Variants in LRRTM3 observed in about 807,000 individuals in gnomAD.
LRRTM3 encodes leucine-rich repeat transmembrane neuronal protein 3.
Under a neutral mutation model 44.7 loss-of-function variants are expected in LRRTM3, and 24 were observed. That is an observed-to-expected ratio of 0.54 (90% CI 0.39 to 0.76). The LOEUF (loss-of-function observed/expected upper bound fraction) is 0.76. Ranked by LOEUF, LRRTM3 falls within the 30% of genes least tolerant of loss-of-function variation. LRRTM3 has a pLI of 0.00. For synonymous variants in LRRTM3, 277 were observed against 278.7 expected, an observed-to-expected ratio of 0.99 and a Z score of 0.06; for missense variants, 587 against 702.2, an observed-to-expected ratio of 0.84 and a Z score of 1.85.
At chr10:66,932,032 C>T (rs555938776) in intron 2 of LRRTM3, among the ~76,000 whole-genome samples, 3 of 152,222 alleles carry the variant, frequency 2.0e-5, no homozygotes, top group South Asian at 2.1e-4. Flanking sequence ...GGAGGGGGGC[C>T]TCCCCTTCCG....
At chr10:67,096,298 T>C (rs914789910) in intron 2 of LRRTM3, among the ~76,000 whole-genome samples, 1 of 151,752 alleles carries the variant, frequency 6.6e-6, no homozygotes, top group South Asian at 2.1e-4. Flanking sequence ...AGTAGAACTG[T>C]AGGGATGGAA....
intron 2 of LRRTM3, among the ~76,000 whole-genome samples, chr10:67,014,485 T>G (rs909298369): frequency 2.6e-5 from 4 of 152,178 alleles, no homozygotes; most frequent in Non-Finnish European, 5.9e-5. Flanking sequence ...TTGAAATATA[T>G]TCTTCTAGAC....
intron 2 of LRRTM3, among the ~76,000 whole-genome samples, chr10:66,957,374 ATG>A (rs1472666675): frequency 9.2e-6 from 1 of 108,822 alleles, no homozygotes; most frequent in Non-Finnish European, 1.9e-5. Flanking sequence ...TATCCAGAAT[ATG>A]TGTGTGTATA....
intron 2 of LRRTM3, among the ~76,000 whole-genome samples, chr10:66,971,923 G>A (rs1168684240): frequency 6.6e-6 from 1 of 150,482 alleles, no homozygotes; most frequent in Non-Finnish European, 1.5e-5. Context: ...ACATGCTAAT[G>A]TACTTCAGTA....
chr10:67,091,385 A>G (rs985947840), intron 2 of LRRTM3, among the ~76,000 whole-genome samples: 2 of 151,978 alleles, frequency 1.3e-5, no homozygotes, highest in Admixed American at 6.6e-5. Context: ...TTTAAGGAAT[A>G]TATGTAAATA....
chr10:67,018,678 C>T (rs943820973), intron 2 of LRRTM3, among the ~76,000 whole-genome samples: 4 of 152,170 alleles, frequency 2.6e-5, no homozygotes, highest in African/African-American at 9.7e-5. Flanking sequence ...CGTGGACAAG[C>T]CACTTAACCT....
chr10:67,010,167 A>G (rs1205902026), intron 2 of LRRTM3, among the ~76,000 whole-genome samples: 3 of 152,198 alleles, frequency 2.0e-5, no homozygotes, highest in Admixed American at 2.0e-4. Context: ...ACGCATATGC[A>G]CTAAAGCAGA....
intron 2 of LRRTM3, among the ~76,000 whole-genome samples, chr10:67,074,161 T>C (rs1407850065): frequency 1.3e-5 from 2 of 149,448 alleles, no homozygotes; most frequent in Non-Finnish European, 1.5e-5. Context: ...GCCTCCCAAG[T>C]AGCTGGGACT....
intron 2 of LRRTM3, among the ~76,000 whole-genome samples, chr10:67,065,125 A>C (rs1413576713): frequency 2.6e-5 from 4 of 152,154 alleles, no homozygotes; most frequent in Non-Finnish European, 5.9e-5. Flanking sequence ...AAGAAATTCA[A>C]GGCACCATGG....
intron 2 of LRRTM3, among the ~76,000 whole-genome samples, chr10:67,020,573 T>C (rs1676075974): frequency 1.3e-5 from 2 of 152,306 alleles, no homozygotes; most frequent in South Asian, 2.1e-4. Context: ...CTAAATTTTG[T>C]TATGTCTTAT....
intron 2 of LRRTM3, among the ~76,000 whole-genome samples, chr10:67,021,003 C>T (rs1475371897): frequency 2.0e-5 from 3 of 152,168 alleles, no homozygotes; most frequent in Admixed American, 6.6e-5. Context: ...GAGATACCAA[C>T]TGAAGAGTTT....
At chr10:66,978,368 A>C (rs1850185456) in intron 2 of LRRTM3, among the ~76,000 whole-genome samples, 1 of 151,316 alleles carries the variant, frequency 6.6e-6, no homozygotes, top group African/African-American at 2.4e-5. Flanking sequence ...TCTACTAAAA[A>C]TACAAAAAAC....
chr10:66,952,058 A>G (rs1250828434), intron 2 of LRRTM3, among the ~76,000 whole-genome samples: 5 of 152,180 alleles, frequency 3.3e-5, no homozygotes, highest in Admixed American at 6.6e-5. Context: ...TAAGCCTAAT[A>G]TGGGAAACAA....
At chr10:67,039,962 T>TG (rs1365634802) in intron 2 of LRRTM3, among the ~76,000 whole-genome samples, 3 of 152,160 alleles carry the variant, frequency 2.0e-5, no homozygotes, top group Non-Finnish European at 4.4e-5. Context: ...ATTAGCTGTC[T>TG]GGGGGTTACC....
chr10:67,020,508 T>C (rs1852939015), intron 2 of LRRTM3, among the ~76,000 whole-genome samples: 1 of 152,198 alleles, frequency 6.6e-6, no homozygotes, highest in Admixed American at 6.5e-5. Context: ...ATCCCCTCTA[T>C]AAGTTTCACA....
chr10:67,054,483 C>T (rs1233655967), intron 2 of LRRTM3: 1 of 152,094 alleles, frequency 6.6e-6, no homozygotes, highest in Non-Finnish European at 1.5e-5. Context: ...ATGAAGTTCC[C>T]CCAAAATACA....
chr10:67,043,653 A>G (rs1262769440), intron 2 of LRRTM3, among the ~76,000 whole-genome samples: 1 of 152,090 alleles, frequency 6.6e-6, no homozygotes, highest in East Asian at 1.9e-4. Context: ...GTTAACACCA[A>G]TTCTTGCAGT....
At chr10:67,044,178 A>G (rs1854583394) in intron 2 of LRRTM3, among the ~76,000 whole-genome samples, 3 of 152,038 alleles carry the variant, frequency 2.0e-5, no homozygotes, top group Admixed American at 2.0e-4. Context: ...CTCACTTATA[A>G]GTGAGAACAT....
At chr10:66,999,987 C>T (rs982417549) in intron 2 of LRRTM3, among the ~76,000 whole-genome samples, 1 of 152,120 alleles carries the variant, frequency 6.6e-6, no homozygotes, top group Non-Finnish European at 1.5e-5. Context: ...ACAATGCATC[C>T]ATTTGTCTTA....
Sources: gnomAD v4.1 joint callset for allele counts (sites outside exome capture counted in the v4.1 genomes callset) on GRCh38, gnomAD v4.1.1 for gene constraint, MANE v1.5 for transcripts, NCBI Gene and HGNC (gene_info 2026-07-23, HGNC 2026-07-21) for gene names.